The following CDH12 variants were observed in gnomAD, a reference collection of about 807,000 sequenced individuals.
CDH12 encodes the protein cadherin-12.
In CDH12, 41 loss-of-function variants were observed where a neutral mutation model predicts 74.1. The ratio of observed to expected loss-of-function variants is 0.55; its 90% CI spans 0.43 to 0.72. The LOEUF (loss-of-function observed/expected upper bound fraction) is 0.72. CDH12 is among the 30% of genes least tolerant of loss of function. The pLI is 0.00. For synonymous variants in CDH12, 399 were observed against 355.0 expected (o/e 1.12, Z -1.39); for missense variants, 945 against 977.2 (o/e 0.97, Z 0.44).
chr5:22,195,227 G>T (rs1054774958), intron 4 of CDH12, among the ~76,000 whole-genome samples: 1 of 152,158 alleles, frequency 6.6e-6, no homozygotes, highest in African/African-American at 2.4e-5. Context: ...CTATCCAGTT[G>T]CTGAAATAAT....
chr5:22,693,352 G>C (rs1336483764), intron 1 of CDH12, among the ~76,000 whole-genome samples: 1 of 152,208 alleles, frequency 6.6e-6, no homozygotes, highest in Non-Finnish European at 1.5e-5. Flanking sequence ...TGCCTTGGCA[G>C]CTTGTGAGAG....
intron 6 of CDH12, among the ~76,000 whole-genome samples, chr5:21,938,738 A>ATATATATATATATATATATAT: frequency 1.4e-5 from 2 of 138,440 alleles, no homozygotes; most frequent in African/African-American, 5.7e-5. Flanking sequence ...ATATATATAT[A>ATATATATATATATATATATAT]TATATATATA....
intron 1 of CDH12, among the ~76,000 whole-genome samples, chr5:22,506,728 G>A (rs1736401010): frequency 6.6e-6 from 1 of 151,890 alleles, no homozygotes; most frequent in African/African-American, 2.4e-5. Context: ...AGTGAAGTGA[G>A]CTGGGAAATT....
At chr5:22,354,360 C>T (rs1287921015) in intron 3 of CDH12, among the ~76,000 whole-genome samples, 2 of 152,174 alleles carry the variant, frequency 1.3e-5, no homozygotes, top group Non-Finnish European at 2.9e-5. Context: ...TCAACCATCG[C>T]CATCACCACC....
rs193121267 is a variant in CDH12 at position 21,992,964 on chromosome 5, C to T, written c.232-17579G>A. Reference sequence around the variant, plus strand: ...AGAAGGCGAGGCACATCTTACATGGCGGCAGGAGAGAGAGAGAGATAGCCA... The same window carrying T: ...AGAAGGCGAGGCACATCTTACATGGTGGCAGGAGAGAGAGAGAGATAGCCA... On this transcript the variant is annotated intron_variant, in intron 5 of 14. Transcript: ENST00000382254. Among the ~76,000 whole-genome samples the T allele has an allele frequency of 2.7e-4, 41 of 152,148 alleles. 1 individual carries two copies. In the East Asian group the frequency reaches 5.2e-3, roughly 19 times the overall value.
At chr5:22,573,965 T>C (rs905719156) in intron 1 of CDH12, among the ~76,000 whole-genome samples, 2 of 152,088 alleles carry the variant, frequency 1.3e-5, no homozygotes, top group Non-Finnish European at 2.9e-5. Flanking sequence ...TGACTCTTCT[T>C]GGAGTGCAAA....
intron 5 of CDH12, among the ~76,000 whole-genome samples, chr5:21,986,235 A>C (rs1279516547): frequency 6.6e-6 from 1 of 152,218 alleles, no homozygotes; most frequent in Non-Finnish European, 1.5e-5. Flanking sequence ...GCTCAAGAGC[A>C]AAAAAGCTTA....
chr5:22,148,989 A>T (rs1452640912), intron 4 of CDH12, among the ~76,000 whole-genome samples: 1 of 152,112 alleles, frequency 6.6e-6, no homozygotes, highest in Non-Finnish European at 1.5e-5. Flanking sequence ...GTGGTAGTGC[A>T]CACCTGCAAT....
chr5:22,063,797 A>G, intron 5 of CDH12, among the ~76,000 whole-genome samples: 1 of 152,060 alleles, frequency 6.6e-6, no homozygotes, highest in East Asian at 1.9e-4. Flanking sequence ...GGAAACCCTA[A>G]TAAAACAGAC....
chr5:22,018,432 T>C (rs1293761118), intron 5 of CDH12, among the ~76,000 whole-genome samples: 2 of 152,220 alleles, frequency 1.3e-5, no homozygotes, highest in African/African-American at 4.8e-5. Flanking sequence ...CAAAAAATAA[T>C]GTGATCTCTG....
chr5:22,139,438 C>T (rs564970031), intron 4 of CDH12: 1 of 113,422 alleles, frequency 8.8e-6, no homozygotes, highest in Non-Finnish European at 1.9e-5. Context: ...TGTCATCACT[C>T]TGTCACTTTC....
At chr5:22,788,627 T>C (rs1276123443) in intron 1 of CDH12, among the ~76,000 whole-genome samples, 1 of 148,030 alleles carries the variant, frequency 6.8e-6, no homozygotes, top group Non-Finnish European at 1.5e-5. Flanking sequence ...ATAAATACAA[T>C]ATGTAACTGT....
intron 2 of CDH12, among the ~76,000 whole-genome samples, chr5:22,414,008 T>A (rs1243723178): frequency 6.6e-6 from 1 of 152,018 alleles, no homozygotes; most frequent in Admixed American, 6.6e-5. Flanking sequence ...CATTTAGTCC[T>A]CAAATTCAAA....
intron 10 of CDH12, among the ~76,000 whole-genome samples, chr5:21,798,185 C>T (rs1746897256): frequency 6.6e-6 from 1 of 151,670 alleles, no homozygotes; most frequent in African/African-American, 2.4e-5. Context: ...TAGGTTAATA[C>T]ATAATAATTA....
intron 4 of CDH12, among the ~76,000 whole-genome samples, chr5:22,150,279 T>C (rs1365440788): frequency 2.6e-5 from 4 of 152,018 alleles, no homozygotes; most frequent in Non-Finnish European, 4.4e-5. Context: ...ACAAAGTGAG[T>C]TAATATTTGC....
At chr5:22,037,243 C>A (rs1194415239) in intron 5 of CDH12, among the ~76,000 whole-genome samples, 1 of 152,066 alleles carries the variant, frequency 6.6e-6, no homozygotes, top group Non-Finnish European at 1.5e-5. Flanking sequence ...AGAGATTTTG[C>A]CGACATGATT....
chr5:22,495,791 G>A (rs548116265), intron 2 of CDH12, among the ~76,000 whole-genome samples: 1 of 151,948 alleles, frequency 6.6e-6, no homozygotes, highest in Non-Finnish European at 1.5e-5. Context: ...TGAGTATGAC[G>A]CCCTTAATAA....
Position 22,035,706 on chromosome 5 carries a change from T to TCACACACACACA in CDH12, c.231+42739_231+42740insTGTGTGTGTGTG, listed in dbSNP as rs1386026784. On this transcript the variant is annotated intron_variant, in intron 5 of 14. Transcript: ENST00000382254. ...GGTTTACTTCTTCTTTTTTTACACT[T>TCACACACACACA]CACACATACACACACACACACACAC... is the stretch of plus-strand genomic sequence containing the variant. 1.6e-3 allele frequency among the ~76,000 whole-genome samples: 183 copies of TCACACACACACA among 117,036 alleles called. 2 individuals are homozygous for TCACACACACACA. Among genetic ancestry groups the TCACACACACACA allele is most frequent in the African/African-American group, 6.2e-3 (173 of 28,064 alleles). 76.8% of individuals were successfully genotyped at this position (117,036 alleles called of 152,430 possible).
intron 1 of CDH12, among the ~76,000 whole-genome samples, chr5:22,790,614 T>C (rs1747859618): frequency 6.6e-6 from 1 of 151,526 alleles, no homozygotes; most frequent in Non-Finnish European, 1.5e-5. Context: ...ATTGAGAAAA[T>C]ATTACAGATA....
Sources: gnomAD v4.1 joint callset for allele counts (sites outside exome capture counted in the v4.1 genomes callset) on GRCh38, gnomAD v4.1.1 for gene constraint, MANE v1.5 for transcripts, NCBI Gene and HGNC (gene_info 2026-07-23, HGNC 2026-07-21) for gene names.